Variants in ZNF626 observed in about 807,000 individuals in gnomAD.
The protein encoded by ZNF626 is zinc finger protein 626, also known as CTC-513N18.7.
In ZNF626, 4 loss-of-function variants were observed where a neutral mutation model predicts 11.7. The observed-to-expected ratio is 0.34, with a 90% CI of 0.17 to 0.78. The LOEUF (loss-of-function observed/expected upper bound fraction) is 0.78. Ranked by LOEUF, ZNF626 falls within the 30% of genes least tolerant of loss-of-function variation. ZNF626 has a pLI of 0.57. For synonymous variants in ZNF626, 179 were observed against 198.6 expected, an observed-to-expected ratio of 0.90 and a Z score of 0.83; for missense variants, 588 against 587.1, an observed-to-expected ratio of 1.00 and a Z score of -0.01.
intron 1 of ZNF626, 89 bp downstream of exon 1, chr19:20,661,355 G>T: frequency 6.5e-7 from 1 of 1,540,960 alleles, no homozygotes; most frequent in Non-Finnish European, 9.0e-7. Context: ...GGAGCTGACT[G>T]CGGGGAGGCC....
intron 3 of ZNF626, among the ~76,000 whole-genome samples, chr19:20,638,251 T>C (rs868913581): frequency 3.6e-4 from 55 of 152,098 alleles, no homozygotes; most frequent in African/African-American, 1.2e-3. Flanking sequence ...GGTGAAACCC[T>C]GTCTCTACTA....
Position 20,624,842 on chromosome 19 carries a change from T to G in ZNF626, c.1035A>C (p.Glu345Asp), listed in dbSNP as rs1489827235. The change falls in exon 4 of 4, where the codon GAA (glutamate) becomes GAC (aspartate). Residue 345 changes from glutamate to aspartate, a missense_variant. Coordinates refer to ENST00000601440, the MANE Select transcript of ZNF626 (RefSeq NM_001076675.3). ...AGGAGTACTTAAAGGCTTTGCCACA[T>G]TCTTCACATTTGTAGGGTTTGTCTT... Reference protein sequence around the residue: ...HTEDKPYKCEECGKAFKYSST... With the variant: ...HTEDKPYKCEDCGKAFKYSST... The G allele has an allele frequency of 1.9e-6, 3 of 1,613,858 alleles. No individual in the cohort carries two copies. Among genetic ancestry groups the G allele is most frequent in the Non-Finnish European group, 2.5e-6 (3 of 1,179,992 alleles).
chr19:20,655,388 T>G (rs1555772999), intron 1 of ZNF626, among the ~76,000 whole-genome samples: 1 of 152,222 alleles, frequency 6.6e-6, no homozygotes, highest in East Asian at 1.9e-4. Context: ...ATCTTTGTGC[T>G]AAGCTTCTGT....
At chr19:20,656,564 A>T (rs1193017953) in intron 1 of ZNF626, among the ~76,000 whole-genome samples, 1 of 152,190 alleles carries the variant, frequency 6.6e-6, no homozygotes, top group Non-Finnish European at 1.5e-5. Context: ...AACATACAGA[A>T]TTTATTAAGA....
Position 20,626,032 on chromosome 19 carries a change from G to A in ZNF626, c.227-382C>T, listed in dbSNP as rs371850851. Among the ~76,000 whole-genome samples the A allele has an allele frequency of 3.1e-4, 47 of 152,198 alleles. No individual in the cohort carries two copies. The East Asian group carries it at 6.2e-3, about 20-fold the overall frequency. On this transcript the variant is annotated intron_variant, in intron 3 of 3. Coordinates refer to ENST00000601440, the MANE Select transcript of ZNF626 (RefSeq NM_001076675.3). ...AGTCCCAGCATGTTGGGAGGCTGAC[G>A]TGGGTGGATCAGAAGGTCAGGAGTT... is the stretch of plus-strand genomic sequence containing the variant.
At chr19:20,633,291 A>G (rs564899403) in intron 3 of ZNF626, among the ~76,000 whole-genome samples, 22 of 152,276 alleles carry the variant, frequency 1.4e-4, no homozygotes, top group African/African-American at 4.8e-4. Flanking sequence ...ATGCTGGGAG[A>G]ACCACTACTC....
intron 3 of ZNF626, among the ~76,000 whole-genome samples, chr19:20,625,983 C>T (rs1281101597): frequency 2.0e-5 from 3 of 152,182 alleles, no homozygotes; most frequent in Non-Finnish European, 4.4e-5. Flanking sequence ...AAATTGTTGA[C>T]TGGCTGGGGT....
chr19:20,643,043 T>G (rs1970040307), intron 3 of ZNF626, among the ~76,000 whole-genome samples: 2 of 152,010 alleles, frequency 1.3e-5, no homozygotes, highest in South Asian at 4.2e-4. Context: ...TTGAAGTAAC[T>G]GCAATCTTTA....
At chr19:20,644,259 G>C (rs1970052101) in intron 3 of ZNF626, among the ~76,000 whole-genome samples, 1 of 152,186 alleles carries the variant, frequency 6.6e-6, no homozygotes, top group African/African-American at 2.4e-5. Context: ...CTCACTGAAA[G>C]CCACACTCAT....
chr19:20,650,350 T>TAAA (rs1555772460), intron 1 of ZNF626, among the ~76,000 whole-genome samples: 5 of 152,300 alleles, frequency 3.3e-5, no homozygotes, highest in African/African-American at 1.2e-4. Context: ...TCTGTTTATA[T>TAAA]TTACATTTTT....
chr19:20,639,397 T>C (rs1226432749), intron 3 of ZNF626, among the ~76,000 whole-genome samples: 4 of 151,652 alleles, frequency 2.6e-5, no homozygotes, highest in African/African-American at 9.7e-5. Flanking sequence ...AATATTCTTA[T>C]TTGCATCTGG....
At chr19:20,651,669 G>T (rs1381732800) in intron 1 of ZNF626, among the ~76,000 whole-genome samples, 3 of 152,172 alleles carry the variant, frequency 2.0e-5, no homozygotes, top group African/African-American at 7.2e-5. Context: ...AAGACCACTA[G>T]ATGATTGTGA....
rs1555769182 is a variant in ZNF626 at position 20,624,368 on chromosome 19, T to C, written c.1509A>G (p.Ile503Met). The C allele has an allele frequency of 5.2e-6, 6 of 1,144,294 alleles. 2 individuals are homozygous for C. Among genetic ancestry groups the C allele is most frequent in the Admixed American group, 5.5e-5 (2 of 36,196 alleles). 70.9% of individuals were successfully genotyped at this position (1,144,294 alleles called of 1,614,324 possible). A position where few individuals can be genotyped will look rare whatever the true frequency, so the allele number is the denominator to read the frequency against. The change falls in exon 4 of 4, where the codon ATA (isoleucine) becomes ATG (methionine). Residue 503 changes from isoleucine (I) to methionine (M), a missense_variant. Around this residue, in one of 4 missense-constraint regions of ZNF626, gnomAD observed 43 missense variants for 38.0 expected, o/e 1.13. Transcript: ENST00000601440. ...TCACATTTGTAGAATTTCTCTCCAG[T>C]ATGATTCTCTCATGTGTAGTAAGGA... is the stretch of plus-strand genomic sequence containing the variant. ...SSILTTHERIILERNSTNVKN... is the reference protein window; with the variant it reads ...SSILTTHERIMLERNSTNVKN...
intron 3 of ZNF626, among the ~76,000 whole-genome samples, chr19:20,631,214 T>G: frequency 6.6e-6 from 1 of 151,854 alleles, no homozygotes; most frequent in East Asian, 1.9e-4. Flanking sequence ...AATTTTGAAG[T>G]AGGTGTGGTG....
At position 20,625,266 on chromosome 19, in the gene ZNF626, T is replaced by A. The variant is rs782701492; in HGVS notation, c.611A>T (p.Glu204Val). ...IHTGGKPYKC[E>V]ECGKAFNHSC... The stretch of plus-strand genomic sequence containing the variant: ...GTGGTTAAAGGCTTTGCCACATTCT[T>A]CACATTTGTAGGGTTTCCCTCCAGT... The change falls in exon 4 of 4, where the codon GAA (glutamate) becomes GTA (valine). Residue 204 changes from glutamate to valine, a missense_variant. Transcript: ENST00000601440. The A allele has an allele frequency of 1.2e-6, 2 of 1,613,868 alleles. No homozygotes were observed. The highest frequency in any genetic ancestry group is 1.7e-6 in the Non-Finnish European group (2 of 1,179,990).
Position 20,636,688 on chromosome 19 carries a change from G to T in ZNF626, c.226+8996C>A, listed in dbSNP as rs183772758. Among the ~76,000 whole-genome samples the T allele has an allele frequency of 4.7e-3, 717 of 152,156 alleles. 1 individual carries two copies. The highest frequency in any genetic ancestry group is 7.4e-3 in the Non-Finnish European group (500 of 68,012). On this transcript the variant is annotated intron_variant, in intron 3 of 3. Transcript: ENST00000601440. ...AAAATAAAGACTTTCCAAAATAAAA[G>T]TTGAGACTGTTCATCACCATTGGCA... is the stretch of plus-strand genomic sequence containing the variant.
intron 3 of ZNF626, among the ~76,000 whole-genome samples, chr19:20,628,928 A>C (rs1280274731): frequency 6.6e-6 from 1 of 152,190 alleles, no homozygotes; most frequent in Non-Finnish European, 1.5e-5. Context: ...CTAACATTTA[A>C]GTCTTTAATC....
intron 3 of ZNF626, among the ~76,000 whole-genome samples, chr19:20,628,816 G>A (rs1431270890): frequency 5.9e-5 from 9 of 152,244 alleles, no homozygotes; most frequent in South Asian, 2.1e-4. Context: ...TTTGGCTTTC[G>A]TTGCCATTGC....
chr19:20,631,572 G>A (rs1445636129), intron 3 of ZNF626, among the ~76,000 whole-genome samples: 1 of 141,790 alleles, frequency 7.1e-6, no homozygotes, highest in African/African-American at 2.8e-5. Context: ...ATCTTTGTTG[G>A]TTTAAAGTCT....
Sources: allele counts gnomAD v4.1 joint callset (sites outside exome capture counted in the v4.1 genomes callset), GRCh38; gene constraint gnomAD v4.1.1; regional missense constraint gnomAD v4.1.1; transcripts MANE v1.5; gene names NCBI Gene and HGNC (gene_info 2026-07-23, HGNC 2026-07-21).